Variants in SEPTIN8 observed in about 807,000 individuals in gnomAD.
The protein encoded by SEPTIN8 is septin-8.
Under a neutral mutation model 53.1 loss-of-function variants are expected in SEPTIN8, and 22 were observed. The observed-to-expected ratio is 0.41, with a 90% CI of 0.30 to 0.59. The LOEUF is 0.59. Ranked by LOEUF, SEPTIN8 falls within the 20% of genes least tolerant of loss-of-function variation. The pLI is 0.24. For synonymous variants in SEPTIN8, 228 were observed against 248.4 expected (o/e 0.92, Z 0.77); for missense variants, 536 against 638.7 (o/e 0.84, Z 1.73).
In SEPTIN8 at chr5:132,751,583, A is replaced by G. The variant is rs1001225027; in HGVS notation, c.*433T>C. 2 of 281,448 alleles carry G rather than the reference A, an allele frequency of 7.1e-6. No homozygotes were observed. Among genetic ancestry groups the G allele is most frequent in the Non-Finnish European group, 1.3e-5 (2 of 150,510 alleles). 17.4% of individuals were successfully genotyped at this position (281,448 alleles called of 1,614,324 possible). A position where few individuals can be genotyped will look rare whatever the true frequency, so the allele number is the denominator to read the frequency against. The stretch of plus-strand genomic sequence containing the variant: ...AGATTAAATTACTAAAGACTGTTTC[A>G]TTACGAAAACTGGCCACCGTTGCCA... On this transcript the variant is annotated 3_prime_UTR_variant, in exon 10 of 10. Coordinates refer to ENST00000378719, the MANE Select transcript of SEPTIN8 (RefSeq NM_001098811.2).
At chr5:132,759,642 G>T (rs571412420) in intron 9 of SEPTIN8, among the ~76,000 whole-genome samples, 1 of 152,334 alleles carries the variant, frequency 6.6e-6, no homozygotes, top group African/African-American at 2.4e-5. Context: ...GGAAGGAAGG[G>T]CCTGGGCATA....
At chr5:132,759,517 C>T (rs1198321570) in intron 9 of SEPTIN8, among the ~76,000 whole-genome samples, 3 of 152,204 alleles carry the variant, frequency 2.0e-5, no homozygotes, top group African/African-American at 4.8e-5. Flanking sequence ...CCTAGGGAAT[C>T]CTGGCTACCT....
chr5:132,752,411 G>T (rs1229579192), intron 9 of SEPTIN8, among the ~76,000 whole-genome samples: 1 of 152,176 alleles, frequency 6.6e-6, no homozygotes, highest in Non-Finnish European at 1.5e-5. Context: ...GACCAATGGG[G>T]GTGGTCTCTG....
rs536857495 is a variant in SEPTIN8 at position 132,760,603 on chromosome 5, G to A, written c.1286+199C>T. ...GCATGAGTATCAGAGCAATCCAGAC[G>A]GCGAGACACTGGATCACTAGTGAAA... On this transcript the variant is annotated intron_variant, in intron 9 of 9. Coordinates refer to ENST00000378719, the MANE Select transcript of SEPTIN8 (RefSeq NM_001098811.2). This position sits in a 1 kb window ranked among gnomAD's most constrained non-coding sequence, Gnocchi z 5.2. 2.7e-5 allele frequency among the ~76,000 whole-genome samples: 4 copies of A among 150,330 alleles called. No individual in the cohort carries two copies. Among genetic ancestry groups the A allele is most frequent in the East Asian group, 2.0e-4 (1 of 4,992 alleles).
chr5:132,756,325 C>G (rs1755337094), intron 9 of SEPTIN8: 1 of 981,280 alleles, frequency 1.0e-6, no homozygotes, highest in Non-Finnish European at 1.2e-6. Context: ...GCCTTTTGAT[C>G]TGGTGTAATT....
intron 9 of SEPTIN8, chr5:132,758,393 G>C: frequency 1.4e-6 from 2 of 1,458,472 alleles, no homozygotes; most frequent in Non-Finnish European, 1.8e-6. Context: ...GAATTTTGCA[G>C]CATGTATACC....
At position 132,750,933 on chromosome 5, in the gene SEPTIN8, T is replaced by G; in HGVS notation, c.*1083A>C. 2 of 1,614,268 alleles carry G rather than the reference T, an allele frequency of 1.2e-6. No homozygotes were observed. The highest frequency in any genetic ancestry group is 1.7e-6 in the Non-Finnish European group (2 of 1,180,044). On this transcript the variant is annotated 3_prime_UTR_variant, in exon 10 of 10. Coordinates refer to ENST00000378719, the MANE Select transcript of SEPTIN8 (RefSeq NM_001098811.2). Reference sequence around the variant, plus strand: ...CCGAATGAGCTGCTGAGGATGGAGCTGGCTATTCTGGACAGACTGCACTGG... The same window carrying G: ...CCGAATGAGCTGCTGAGGATGGAGCGGGCTATTCTGGACAGACTGCACTGG...
chr5:132,752,025 T>C lies in SEPTIN8; in HGVS notation c.1443A>G (p.Gly481=), dbSNP rs758079357. ...TGTTGGAGCTGCTGCCTCAGAGGAA[T>C]CCTTCCCTCCACGTCGCATCCCTGA... ...CLVRDATWRE[G]FL Residue 481 remains glycine, a synonymous_variant, in exon 10 of 10, where the codon GGA becomes GGG. Transcript: ENST00000378719. 1 of 1,612,416 alleles carries C rather than the reference T, an allele frequency of 6.2e-7. No homozygotes were observed. The highest frequency in any genetic ancestry group is 1.1e-5 in the South Asian group (1 of 90,264).
chr5:132,761,209 T>C lies in SEPTIN8; in HGVS notation c.1019A>G (p.Lys340Arg), dbSNP rs1755809176. 6.2e-7 allele frequency: 1 copy of C among 1,614,188 alleles called. No homozygotes were observed. The highest frequency in any genetic ancestry group is 8.5e-7 in the Non-Finnish European group (1 of 1,180,028). Residue 340 changes from lysine (K) to arginine (R), a missense_variant, in exon 8 of 10, where the codon AAG becomes AGG. Physicochemically the swap from Lys to Arg is conservative, Grantham distance 26 (BLOSUM62 2). Around this residue, in one of 3 missense-constraint regions of SEPTIN8, gnomAD observed 395 missense variants for 451.8 expected, o/e 0.87. Transcript: ENST00000378719. This position sits in a 1 kb window ranked among gnomAD's most constrained non-coding sequence, Gnocchi z 5.8. Reference sequence around the variant, plus strand: ...AAACATCTGCCTCATCTCTTCCTCCTTCCTCTGCAGCTCACTTAGGAACTC... The same window carrying C: ...AAACATCTGCCTCATCTCTTCCTCCCTCCTCTGCAGCTCACTTAGGAACTC... Reference protein sequence around the residue: ...RKEFLSELQRKEEEMRQMFVN... With the variant: ...RKEFLSELQRREEEMRQMFVN...
chr5:132,760,929 T>C lies in SEPTIN8; in HGVS notation c.1159A>G (p.Lys387Glu), dbSNP rs1195971535. The C allele has an allele frequency of 6.9e-6, 11 of 1,604,364 alleles. No homozygotes were observed. The highest frequency in any genetic ancestry group is 9.3e-6 in the Non-Finnish European group (11 of 1,176,558). ...HQEEKRKVEEKRRELEEETNA... is the reference protein window; with the variant it reads ...HQEEKRKVEEERRELEEETNA... ...GTCTCCTCCTCCAGTTCCCGGCGCT[T>C]TTCCTCCACCTTGCGCTTCTCCTCC... Residue 387 changes from lysine to glutamate, a missense_variant, in exon 9 of 10, where the codon AAG becomes GAG. Physicochemically the swap from Lys to Glu is moderately conservative, Grantham distance 56 (BLOSUM62 1). Coordinates refer to ENST00000378719, the MANE Select transcript of SEPTIN8 (RefSeq NM_001098811.2). This position sits in a 1 kb window ranked among gnomAD's most constrained non-coding sequence, Gnocchi z 5.2.
At chr5:132,754,527 G>A (rs1196918375) in intron 9 of SEPTIN8, 10 of 717,512 alleles carry the variant, frequency 1.4e-5, no homozygotes, top group Middle Eastern at 2.3e-4. Flanking sequence ...ACCTCTTGGA[G>A]AAAGCAGAGG....
At chr5:132,764,167 G>T in intron 3 of SEPTIN8, 57 bp downstream of exon 3, 2 of 1,542,620 alleles carry the variant, frequency 1.3e-6, no homozygotes, top group Non-Finnish European at 1.8e-6. Flanking sequence ...CTGTTATAGG[G>T]GCCAATGTAG....
At chr5:132,752,322 A>G in intron 9 of SEPTIN8, 141 bp from the exon 10 acceptor site, 4 of 1,144,718 alleles carry the variant, frequency 3.5e-6, no homozygotes, top group South Asian at 1.6e-5. Flanking sequence ...AACCCTGGAA[A>G]GAGTCTGCCC....
Position 132,761,030 on chromosome 5 carries a change from G to C in SEPTIN8, c.1096-38C>G. 1 of 1,590,948 alleles carries C rather than the reference G, an allele frequency of 6.3e-7. No individual in the cohort carries two copies. Reference sequence around the variant, plus strand: ...AGGGGGCAGAAGATGCGGGGAGCAAGAGGAGGGCTTGAGCCTGGGCCAGGA... The same window carrying C: ...AGGGGGCAGAAGATGCGGGGAGCAACAGGAGGGCTTGAGCCTGGGCCAGGA... On this transcript the variant is annotated intron_variant, in intron 8 of 9. Transcript: ENST00000378719. The surrounding 1 kb of genome is among the most constrained non-coding windows in gnomAD (Gnocchi z 5.8).
At chr5:132,764,149 C>T (rs1756317674) in intron 3 of SEPTIN8, 75 bp downstream of exon 3, 2 of 1,454,394 alleles carry the variant, frequency 1.4e-6, no homozygotes, top group South Asian at 1.3e-5. Context: ...AGTGTGAGGG[C>T]TGGGCTACTG....
At position 132,770,143 on chromosome 5, in the gene SEPTIN8, G is replaced by A. The variant is rs562982820; in HGVS notation, c.31-4614C>T. 1.6e-3 allele frequency among the ~76,000 whole-genome samples: 158 copies of A among 97,658 alleles called. 4 individuals carry two copies. Among genetic ancestry groups the A allele is most frequent in the African/African-American group, 0.012 (153 of 12,424 alleles). 64.1% of individuals were successfully genotyped at this position (97,658 alleles called of 152,430 possible). On this transcript the variant is annotated intron_variant, in intron 1 of 9. Coordinates refer to ENST00000378719, the MANE Select transcript of SEPTIN8 (RefSeq NM_001098811.2). ...TATATATGTATATATGTGTATGTGT[G>A]TGTATATATATATATATATATATGT...
intron 1 of SEPTIN8, chr5:132,774,162 C>A (rs1189621041): frequency 6.0e-6 from 1 of 166,804 alleles, no homozygotes; most frequent in Non-Finnish European, 1.5e-5. Flanking sequence ...GAGCCCGCTT[C>A]TTGGGGAAGT....
In SEPTIN8 at chr5:132,770,010, T is replaced by C. The variant is rs867934518; in HGVS notation, c.31-4481A>G. Among the ~76,000 whole-genome samples the C allele has an allele frequency of 5.9e-4, 34 of 57,484 alleles. 1 individual carries two copies. The highest frequency in any genetic ancestry group is 3.5e-3 in the East Asian group (7 of 1,980). 37.7% of individuals were successfully genotyped at this position (57,484 alleles called of 152,430 possible). On this transcript the variant is annotated intron_variant, in intron 1 of 9. Coordinates refer to ENST00000378719, the MANE Select transcript of SEPTIN8 (RefSeq NM_001098811.2). ...ATATATATATATATATATATATATA[T>C]ATATATATATATACACACACATATA...
chr5:132,779,312 G>A (rs1758000171), upstream of SEPTIN8, among the ~76,000 whole-genome samples: 1 of 152,176 alleles, frequency 6.6e-6, no homozygotes. Flanking sequence ...ACACCTAGAG[G>A]TTAGTTCATA....
Sources: allele counts gnomAD v4.1 joint callset (sites outside exome capture counted in the v4.1 genomes callset), GRCh38; gene constraint gnomAD v4.1.1; regional missense constraint gnomAD v4.1.1; non-coding constraint Gnocchi (gnomAD v3.1); transcripts MANE v1.5; gene names NCBI Gene and HGNC (gene_info 2026-07-23, HGNC 2026-07-21).